Variants in KATNIP observed in about 807,000 individuals in gnomAD.
KATNIP encodes katanin-interacting protein.
A neutral mutation model predicts 174.0 loss-of-function variants in KATNIP; 126 were observed. The observed-to-expected ratio is 0.72, with a 90% confidence interval of 0.63 to 0.84. KATNIP has a LOEUF of 0.84. KATNIP is among the 40% of genes least tolerant of loss of function. The pLI, the probability that KATNIP is intolerant of heterozygous loss-of-function variation, is 0.00. For synonymous variants in KATNIP, 810 were observed against 835.7 expected, an observed-to-expected ratio of 0.97 and a Z score of 0.53; for missense variants, 1,958 against 2,109.7, an observed-to-expected ratio of 0.93 and a Z score of 1.41.
At chr16:27,758,221 C>T (rs1173491357) in intron 18 of KATNIP, among the ~76,000 whole-genome samples, 1 of 152,142 alleles carries the variant, frequency 6.6e-6, no homozygotes. Flanking sequence ...CTCCATCATC[C>T]AAATCCACAT....
intron 14 of KATNIP, among the ~76,000 whole-genome samples, chr16:27,737,801 T>A (rs895140037): frequency 6.6e-6 from 1 of 152,208 alleles, no homozygotes; most frequent in Non-Finnish European, 1.5e-5. Flanking sequence ...GGCAGTCAGC[T>A]GGACCCTGTA....
At chr16:27,639,771 C>A (rs910735825) in intron 5 of KATNIP, among the ~76,000 whole-genome samples, 1 of 152,154 alleles carries the variant, frequency 6.6e-6, no homozygotes, top group African/African-American at 2.4e-5. Context: ...GCAGTGAGGA[C>A]GACAAATGAA....
intron 19 of KATNIP, among the ~76,000 whole-genome samples, chr16:27,764,527 C>A (rs966411859): frequency 1.3e-5 from 2 of 152,218 alleles, no homozygotes; most frequent in Non-Finnish European, 2.9e-5. Context: ...CTCCAAGAAG[C>A]CCTGGTTCCT....
intron 7 of KATNIP, among the ~76,000 whole-genome samples, chr16:27,679,767 A>AG (rs1176113745): frequency 9.3e-5 from 14 of 151,002 alleles, no homozygotes; most frequent in Non-Finnish European, 1.9e-4. Flanking sequence ...AAAAAAAAAA[A>AG]AAAGTTTGAA....
intron 2 of KATNIP, among the ~76,000 whole-genome samples, chr16:27,610,950 C>T (rs890710386): frequency 6.6e-6 from 1 of 152,206 alleles, no homozygotes; most frequent in Non-Finnish European, 1.5e-5. Context: ...ACTTGTCCCA[C>T]CTTTGCTTCG....
Position 27,777,609 on chromosome 16 carries a change from G to C in KATNIP, c.4552-1G>C. ...ATGAGTCCTGCCCCGTGTCCCTGCAGCTCCTGGTGGACGACCTGCTTGTGT... is the reference window on the plus strand; with the variant it reads ...ATGAGTCCTGCCCCGTGTCCCTGCACCTCCTGGTGGACGACCTGCTTGTGT... On this transcript the variant is annotated splice_acceptor_variant, in intron 25 of 27. Transcript: ENST00000261588. LOFTEE classifies it high-confidence loss of function. The surrounding 1 kb of genome is among the most constrained non-coding windows in gnomAD (Gnocchi z 4.4). The C allele has an allele frequency of 6.2e-7, 1 of 1,606,050 alleles. No individual in the cohort carries two copies. Among genetic ancestry groups the C allele is most frequent in the Middle Eastern group, 1.7e-4 (1 of 6,016 alleles).
intron 8 of KATNIP, among the ~76,000 whole-genome samples, chr16:27,684,087 A>T (rs922058904): frequency 6.6e-6 from 1 of 152,168 alleles, no homozygotes; most frequent in African/African-American, 2.4e-5. Context: ...TATTCAAGTA[A>T]CAAAATTAAG....
chr16:27,749,748 C>T lies in KATNIP; in HGVS notation c.2788C>T (p.Gln930Ter), dbSNP rs755989946. 50 of 1,611,920 alleles carry T rather than the reference C, an allele frequency of 3.1e-5. No homozygotes were observed. The South Asian group carries it at 5.4e-4, about 17-fold the overall frequency. The change falls in exon 16 of 28, where the codon CAA (glutamine) becomes TAA (stop). Residue 930 changes from glutamine to a stop codon, truncating the protein, a stop_gained. Coordinates refer to ENST00000261588, the MANE Select transcript of KATNIP (RefSeq NM_015202.5). LOFTEE classifies it high-confidence loss of function. ...GGACATCCTGGATGAGCTCCTGCAG[C>T]AAAAGAGCAGCCGGCACAGCGACTT... ...PGDILDELLQ[Q>*]KSSRHSDLPP... is the part of the protein sequence containing the mutation.
intron 1 of KATNIP, among the ~76,000 whole-genome samples, chr16:27,572,122 C>T (rs1390928375): frequency 6.6e-6 from 1 of 152,026 alleles, no homozygotes. Flanking sequence ...CAACTATCAA[C>T]ACCCCACACT....
At chr16:27,626,423 T>C (rs2076335504) in intron 3 of KATNIP, among the ~76,000 whole-genome samples, 1 of 152,218 alleles carries the variant, frequency 6.6e-6, no homozygotes, top group Non-Finnish European at 1.5e-5. Flanking sequence ...TGGCATTTTC[T>C]ATATTTTCAT....
intron 5 of KATNIP, among the ~76,000 whole-genome samples, chr16:27,646,655 G>T (rs538341423): frequency 2.0e-5 from 3 of 152,222 alleles, no homozygotes; most frequent in African/African-American, 7.2e-5. Context: ...GCAGCAATCA[G>T]GGCAAGAAGG....
intron 6 of KATNIP, among the ~76,000 whole-genome samples, chr16:27,649,285 G>A (rs1320469576): frequency 6.6e-6 from 1 of 152,214 alleles, no homozygotes; most frequent in Admixed American, 6.5e-5. Context: ...TGTCGGTTTA[G>A]CAGCTTACAG....
intron 8 of KATNIP, among the ~76,000 whole-genome samples, chr16:27,694,279 A>G (rs1210056613): frequency 2.6e-5 from 4 of 152,132 alleles, no homozygotes; most frequent in African/African-American, 9.7e-5. Flanking sequence ...GTAGCAAGAG[A>G]GTCAAGTGCT....
At chr16:27,699,736 G>C in intron 10 of KATNIP, 137 bp downstream of exon 10, 3 of 1,059,974 alleles carry the variant, frequency 2.8e-6, no homozygotes, top group Non-Finnish European at 4.1e-6. Flanking sequence ...CCTTCACACT[G>C]TCCTACCAGG....
intron 5 of KATNIP, among the ~76,000 whole-genome samples, chr16:27,640,302 A>G (rs1017270758): frequency 2.6e-5 from 4 of 152,244 alleles, no homozygotes; most frequent in Non-Finnish European, 4.4e-5. Context: ...CAGGTACAGC[A>G]GCGTGCCAAG....
intron 8 of KATNIP, among the ~76,000 whole-genome samples, chr16:27,682,881 G>A (rs1319612226): frequency 3.9e-5 from 6 of 152,046 alleles, no homozygotes; most frequent in African/African-American, 1.4e-4. Flanking sequence ...TGGGACTGGT[G>A]GTTTTATAGG....
At chr16:27,624,157 CA>C (rs940231681) in intron 3 of KATNIP, among the ~76,000 whole-genome samples, 2 of 151,670 alleles carry the variant, frequency 1.3e-5, no homozygotes, top group African/African-American at 4.8e-5. Context: ...GCTGCAGGCC[CA>C]GCACTTTTGT....
intron 2 of KATNIP, among the ~76,000 whole-genome samples, chr16:27,612,190 C>T (rs573240198): frequency 6.6e-5 from 10 of 152,296 alleles, no homozygotes; most frequent in African/African-American, 2.4e-4. Context: ...TCCACTGTTA[C>T]TGCATCCAGT....
rs768594655 is a variant in KATNIP, at chr16:27,751,938, T to TG, written c.3552+20dup. The TG allele has an allele frequency of 3.8e-6, 6 of 1,577,430 alleles. No individual in the cohort carries two copies. In the East Asian group the frequency reaches 1.1e-4, roughly 30 times the overall value. On this transcript the variant is annotated intron_variant, in intron 17 of 27. Transcript: ENST00000261588. ...GCTGATGAACGGGTAGGACTGGAGC[T>TG]GGGGGGCTGTGGGGGGACCCCCAGA...
Sources: gnomAD v4.1 joint callset for allele counts (sites outside exome capture counted in the v4.1 genomes callset) on GRCh38, gnomAD v4.1.1 for gene constraint, Gnocchi (gnomAD v3.1) non-coding constraint, MANE v1.5 for transcripts, NCBI Gene and HGNC (gene_info 2026-07-23, HGNC 2026-07-21) for gene names.